Variants in CDH7 observed in about 807,000 individuals in gnomAD.
The protein encoded by CDH7 is cadherin-7.
Under a neutral mutation model 71.8 loss-of-function variants are expected in CDH7, and 25 were observed. That is an observed-to-expected ratio of 0.35 (90% CI 0.25 to 0.49). The LOEUF (loss-of-function observed/expected upper bound fraction) is 0.49, where lower values mean the gene tolerates loss of function less well. CDH7 is among the 20% of genes least tolerant of loss of function. CDH7 has a pLI of 0.99. For missense variants in CDH7, 862 were observed against 974.6 expected (o/e 0.88, Z 1.54); for synonymous variants, 381 against 363.8 (o/e 1.05, Z -0.54).
intron 6 of CDH7, among the ~76,000 whole-genome samples, chr18:65,828,929 G>A (rs1912231249): frequency 6.6e-6 from 1 of 151,992 alleles, no homozygotes. Flanking sequence ...AGAACTATTG[G>A]ATGCCTAGAA....
At chr18:65,857,042 A>G (rs1913384485) in intron 7 of CDH7, among the ~76,000 whole-genome samples, 2 of 151,682 alleles carry the variant, frequency 1.3e-5, no homozygotes, top group Non-Finnish European at 2.9e-5. Flanking sequence ...AAAGAGGGTT[A>G]ATAACAGGTT....
At chr18:65,819,102 T>C (rs1218161528) in intron 4 of CDH7, among the ~76,000 whole-genome samples, 5 of 152,046 alleles carry the variant, frequency 3.3e-5, no homozygotes, top group Non-Finnish European at 5.9e-5. Context: ...CTCATTGGCA[T>C]AAGACACTCC....
intron 1 of CDH7, among the ~76,000 whole-genome samples, chr18:65,756,958 G>A (rs1916046587): frequency 6.6e-6 from 1 of 151,728 alleles, no homozygotes; most frequent in South Asian, 2.1e-4. Context: ...TACTTGTTAT[G>A]TTTTTAGCAT....
chr18:65,766,026 AC>A (rs1451446491), intron 2 of CDH7, among the ~76,000 whole-genome samples: 3 of 152,064 alleles, frequency 2.0e-5, no homozygotes, highest in Non-Finnish European at 4.4e-5. Flanking sequence ...CTATTTTGTT[AC>A]ATGTGAAATG....
At chr18:65,796,002 G>A (rs1910899582) in intron 2 of CDH7, among the ~76,000 whole-genome samples, 1 of 152,038 alleles carries the variant, frequency 6.6e-6, no homozygotes, top group Non-Finnish European at 1.5e-5. Context: ...AGCCTACCCA[G>A]CCATGCAGAA....
chr18:65,777,032 G>A (rs2143819301), intron 2 of CDH7, among the ~76,000 whole-genome samples: 1 of 152,226 alleles, frequency 6.6e-6, no homozygotes, highest in East Asian at 1.9e-4. Flanking sequence ...CTGTCCAAAA[G>A]GGGAACTATT....
chr18:65,849,408 T>C (rs1175871111), intron 7 of CDH7, among the ~76,000 whole-genome samples: 70 of 133,560 alleles, frequency 5.2e-4, no homozygotes, highest in African/African-American at 1.6e-3. Flanking sequence ...TCTTTTCTTT[T>C]CTTTTCTTTT....
chr18:65,771,816 A>G (rs957546623), intron 2 of CDH7, among the ~76,000 whole-genome samples: 9 of 152,090 alleles, frequency 5.9e-5, no homozygotes, highest in Admixed American at 1.3e-4. Context: ...CAAACGAAAA[A>G]AAAGAGAGAG....
chr18:65,800,296 G>A (rs1002418475), intron 2 of CDH7, among the ~76,000 whole-genome samples: 2 of 152,066 alleles, frequency 1.3e-5, no homozygotes, highest in African/African-American at 2.4e-5. Flanking sequence ...AGCCAGGATG[G>A]TCTCGATCTC....
At chr18:65,757,908 C>A (rs754287890) in intron 1 of CDH7, among the ~76,000 whole-genome samples, 37 of 152,020 alleles carry the variant, frequency 2.4e-4, no homozygotes, top group African/African-American at 8.2e-4. Flanking sequence ...TTTTTAACTC[C>A]TGTATATGAA....
At chr18:65,850,969 G>A (rs541842326) in intron 7 of CDH7, among the ~76,000 whole-genome samples, 85 of 151,782 alleles carry the variant, frequency 5.6e-4, no homozygotes, top group Non-Finnish European at 9.1e-4. Context: ...ATACCACCAC[G>A]CCCAGCTAAT....
intron 7 of CDH7, among the ~76,000 whole-genome samples, chr18:65,853,662 T>C (rs1035674029): frequency 3.3e-5 from 5 of 151,888 alleles, no homozygotes; most frequent in Admixed American, 2.6e-4. Flanking sequence ...TTCAGTCTAA[T>C]CCTTGTCTTT....
At position 65,862,925 on chromosome 18, in the gene CDH7, C is replaced by G. The variant is rs1209839692; in HGVS notation, c.1864+8C>G. On this transcript the variant is annotated splice_region_variant and intron_variant, in intron 11 of 11. Coordinates refer to ENST00000397968, the MANE Select transcript of CDH7 (RefSeq NM_004361.5). The stretch of plus-strand genomic sequence containing the variant: ...GTGTCTTGACATTATTGGGTAGGTA[C>G]TGTTTCCAGGGCTTGCTCTGAAAGA... 1 of 1,612,936 alleles carries G rather than the reference C, an allele frequency of 6.2e-7. No individual in the cohort carries two copies. The highest frequency in any genetic ancestry group is 8.5e-7 in the Non-Finnish European group (1 of 1,179,146).
At chr18:65,789,481 T>TTTTTG (rs557881609) in intron 2 of CDH7, among the ~76,000 whole-genome samples, 4,974 of 151,646 alleles carry the variant, frequency 0.033, 277 homozygotes, top group African/African-American at 0.11. Flanking sequence ...GTTTGTTTTT[T>TTTTTG]TTTGTTTGTT....
intron 6 of CDH7, among the ~76,000 whole-genome samples, chr18:65,836,650 G>A (rs761525707): frequency 1.3e-4 from 19 of 150,736 alleles, no homozygotes; most frequent in Non-Finnish European, 1.9e-4. Context: ...GTTTGTTCAT[G>A]TTCTGTCCTA....
chr18:65,834,291 G>A (rs1391521661), intron 6 of CDH7, among the ~76,000 whole-genome samples: 1 of 152,148 alleles, frequency 6.6e-6, no homozygotes, highest in African/African-American at 2.4e-5. Flanking sequence ...GTAATAGCAA[G>A]GTAAATATGT....
chr18:65,791,070 TA>T (rs1599008480), intron 2 of CDH7, among the ~76,000 whole-genome samples: 1 of 152,226 alleles, frequency 6.6e-6, no homozygotes, highest in African/African-American at 2.4e-5. Flanking sequence ...ATTTCGTGAA[TA>T]TTTTTACTTA....
intron 1 of CDH7, among the ~76,000 whole-genome samples, chr18:65,761,224 T>C (rs1916183348): frequency 1.3e-5 from 2 of 152,318 alleles, no homozygotes; most frequent in East Asian, 3.9e-4. Context: ...TATTTTTAAA[T>C]GTATGCATTC....
intron 6 of CDH7, among the ~76,000 whole-genome samples, chr18:65,834,553 C>T (rs9789160): frequency 6.6e-6 from 1 of 152,192 alleles, no homozygotes; most frequent in African/African-American, 2.4e-5. Flanking sequence ...TATTTTAAGA[C>T]GGGTTAAAAA....
Sources: gnomAD v4.1 joint callset for allele counts (sites outside exome capture counted in the v4.1 genomes callset) on GRCh38, gnomAD v4.1.1 for gene constraint, MANE v1.5 for transcripts, NCBI Gene and HGNC (gene_info 2026-07-23, HGNC 2026-07-21) for gene names.